TBL1X: variants seen among roughly 807,000 people sequenced by gnomAD.
TBL1X encodes the protein transducin beta like 1 X-linked.
Under a neutral mutation model 50.7 loss-of-function variants are expected in TBL1X, and 10 were observed. The observed-to-expected ratio is 0.20, with a 90% confidence interval of 0.12 to 0.33. The LOEUF is 0.33. Ranked by LOEUF, TBL1X falls within the 10% of genes least tolerant of loss-of-function variation. The probability of loss-of-function intolerance (pLI) is 1.00; values close to 1 mark genes in which losing one functional copy is unlikely to be tolerated. For missense variants in TBL1X, 340 were observed against 504.4 expected (o/e 0.67, Z 3.12); for synonymous variants, 190 against 214.7 (o/e 0.88, Z 1.01).
chrX:9,531,809 C>T (rs987255191), intron 2 of TBL1X, among the ~76,000 whole-genome samples: 7 of 109,986 alleles, frequency 6.4e-5, no homozygotes, highest in African/African-American at 2.0e-4. Flanking sequence ...CTCAGCTCAC[C>T]GCAACCTCCA....
At chrX:9,619,095 T>C (rs2082653614) in intron 2 of TBL1X, among the ~76,000 whole-genome samples, 1 of 112,233 alleles carries the variant, frequency 8.9e-6, no homozygotes, top group Non-Finnish European at 1.9e-5. Flanking sequence ...GTTAACTGTT[T>C]AGAAACTCAT....
intron 2 of TBL1X, among the ~76,000 whole-genome samples, chrX:9,626,482 C>T (rs1249414325): frequency 8.9e-6 from 1 of 112,233 alleles, no homozygotes; most frequent in African/African-American, 3.2e-5. Context: ...CTTCCATAGC[C>T]TGTGCCGTTA....
chrX:9,492,438 C>CT (rs201092138), intron 1 of TBL1X, among the ~76,000 whole-genome samples: 4 of 111,729 alleles, frequency 3.6e-5, no homozygotes, highest in Non-Finnish European at 7.5e-5. Flanking sequence ...CCATGTTGTG[C>CT]TTTTTTTAAC....
intron 5 of TBL1X, among the ~76,000 whole-genome samples, chrX:9,659,841 C>T (rs777162438): frequency 2.7e-5 from 3 of 112,274 alleles, no homozygotes; most frequent in South Asian, 3.7e-4. Flanking sequence ...ATCTGCAGGA[C>T]GCTCATGAAG....
chrX:9,503,837 C>T (rs1157842268), intron 2 of TBL1X, among the ~76,000 whole-genome samples: 2 of 112,883 alleles, frequency 1.8e-5, no homozygotes, highest in Non-Finnish European at 3.8e-5. Flanking sequence ...TCTCTGCTGA[C>T]CAGCAGATTT....
intron 3 of TBL1X, among the ~76,000 whole-genome samples, chrX:9,652,987 A>G (rs1191986548): frequency 9.0e-6 from 1 of 111,527 alleles, no homozygotes; most frequent in African/African-American, 3.3e-5. Context: ...CAACATGGTG[A>G]AACCCCGTCT....
chrX:9,574,459 GAAAAAAAAAAAA>G (rs376384853), intron 2 of TBL1X, among the ~76,000 whole-genome samples: 1 of 30,133 alleles, frequency 3.3e-5, no homozygotes, highest in Non-Finnish European at 6.7e-5. Context: ...TGTCTCAAAT[GAAAAAAAAAAAA>G]AAAAAAAAAA....
At chrX:9,596,958 AG>A (rs1446524756) in intron 2 of TBL1X, among the ~76,000 whole-genome samples, 4 of 111,470 alleles carry the variant, frequency 3.6e-5, no homozygotes, top group Non-Finnish European at 7.5e-5. Context: ...ACTGTGCTGG[AG>A]GACCCTAAAG....
At chrX:9,595,569 C>T (rs928190179) in intron 2 of TBL1X, among the ~76,000 whole-genome samples, 1 of 111,946 alleles carries the variant, frequency 8.9e-6, no homozygotes, top group African/African-American at 3.2e-5. Context: ...GGTCAGGGCC[C>T]TTCTTGTCGG....
chrX:9,593,275 G>A (rs2082510826), intron 2 of TBL1X, among the ~76,000 whole-genome samples: 1 of 109,551 alleles, frequency 9.1e-6, no homozygotes, highest in Non-Finnish European at 1.9e-5. Context: ...GACGGTGGGC[G>A]CCTATAATCC....
At chrX:9,645,523 A>G (rs1219483034) in intron 3 of TBL1X, 1 of 111,842 alleles carries the variant, frequency 8.9e-6, no homozygotes, top group Non-Finnish European at 1.9e-5. Context: ...GCCGCATCTT[A>G]TGCCACTAGT....
At chrX:9,517,567 C>G (rs2146963351) in intron 2 of TBL1X, among the ~76,000 whole-genome samples, 1 of 112,347 alleles carries the variant, frequency 8.9e-6, no homozygotes, top group African/African-American at 3.2e-5. Context: ...AAGGCAGTGA[C>G]AAATGCCAGG....
At chrX:9,603,474 T>G (rs928796792) in intron 2 of TBL1X, among the ~76,000 whole-genome samples, 3 of 112,467 alleles carry the variant, frequency 2.7e-5, no homozygotes, top group Non-Finnish European at 5.6e-5. Context: ...CACTAAAATA[T>G]CAAGTCCATG....
At chrX:9,485,147 C>T (rs1323452579) in intron 1 of TBL1X, among the ~76,000 whole-genome samples, 1 of 110,673 alleles carries the variant, frequency 9.0e-6, no homozygotes, top group Non-Finnish European at 1.9e-5. Context: ...AGGCCCCATC[C>T]CCAGAGTTTG....
At chrX:9,591,578 A>C (rs2082500193) in intron 2 of TBL1X, among the ~76,000 whole-genome samples, 1 of 112,356 alleles carries the variant, frequency 8.9e-6, no homozygotes, top group African/African-American at 3.2e-5. Context: ...AGGTGTGTGC[A>C]GAGCATCAGC....
At chrX:9,524,430 T>C (rs2082122807) in intron 2 of TBL1X, among the ~76,000 whole-genome samples, 1 of 112,161 alleles carries the variant, frequency 8.9e-6, no homozygotes, top group African/African-American at 3.2e-5. Context: ...AACTTTCTGT[T>C]TCTGTGTGCT....
intron 2 of TBL1X, among the ~76,000 whole-genome samples, chrX:9,538,925 G>T (rs1383572969): frequency 8.9e-6 from 1 of 112,709 alleles, no homozygotes; most frequent in East Asian, 2.8e-4. Context: ...GAGGCCTCAG[G>T]GCAGTGCAGC....
intron 2 of TBL1X, among the ~76,000 whole-genome samples, chrX:9,509,113 T>C (rs184116182): frequency 2.8e-4 from 30 of 106,239 alleles, no homozygotes; most frequent in East Asian, 8.9e-4. Context: ...AAAAGCCGGG[T>C]GCGGTGGCTC....
chrX:9,470,464 C>A (rs2081806976), intron 1 of TBL1X, among the ~76,000 whole-genome samples: 1 of 112,163 alleles, frequency 8.9e-6, no homozygotes, highest in African/African-American at 3.2e-5. Flanking sequence ...CCATGTTGGT[C>A]AAGCTGGTCT....
Sources: allele counts gnomAD v4.1 joint callset (sites outside exome capture counted in the v4.1 genomes callset), GRCh38; gene constraint gnomAD v4.1.1; transcripts MANE v1.5; gene names NCBI Gene and HGNC (gene_info 2026-07-23, HGNC 2026-07-21).